MINDY3: variants seen among roughly 807,000 people sequenced by gnomAD.
MINDY3 encodes the protein MINDY lysine 48 deubiquitinase 3, also known as ubiquitin carboxyl-terminal hydrolase MINDY-3.
In MINDY3, 38 loss-of-function variants were observed where a neutral mutation model predicts 69.2. The observed-to-expected ratio is 0.55, with a 90% CI of 0.42 to 0.72. The LOEUF (loss-of-function observed/expected upper bound fraction) is 0.72. Ranked by LOEUF, MINDY3 falls within the 30% of genes least tolerant of loss-of-function variation. MINDY3 has a pLI of 0.00. For synonymous variants in MINDY3, 192 were observed against 180.1 expected, an observed-to-expected ratio of 1.07 and a Z score of -0.53; for missense variants, 522 against 519.0, an observed-to-expected ratio of 1.01 and a Z score of -0.06.
intron 9 of MINDY3, among the ~76,000 whole-genome samples, chr10:15,821,277 A>C (rs1588587531): frequency 6.6e-6 from 1 of 152,248 alleles, no homozygotes. Flanking sequence ...TTTGCCTAAT[A>C]AAGTATTACC....
At chr10:15,779,206 A>G (rs1836326221) in intron 14 of MINDY3, 65 bp from the exon 15 acceptor site, 1 of 1,470,032 alleles carries the variant, frequency 6.8e-7, no homozygotes, top group East Asian at 2.3e-5. Flanking sequence ...TGTGGAATGA[A>G]AACAATTTTT....
At chr10:15,786,440 G>C in intron 13 of MINDY3, 121 bp downstream of exon 13, 1 of 673,104 alleles carries the variant, frequency 1.5e-6, no homozygotes, top group Non-Finnish European at 2.6e-6. Context: ...CCATGTAACG[G>C]TGTTTTCTCA....
chr10:15,832,579 T>G (rs561680947), intron 8 of MINDY3, among the ~76,000 whole-genome samples: 1 of 152,200 alleles, frequency 6.6e-6, no homozygotes, highest in Non-Finnish European at 1.5e-5. Context: ...TTTCACTGTT[T>G]AAACTCTGAC....
intron 6 of MINDY3, among the ~76,000 whole-genome samples, chr10:15,835,499 G>C (rs1449050325): frequency 2.0e-5 from 3 of 151,996 alleles, no homozygotes; most frequent in African/African-American, 4.8e-5. Context: ...ATACAAATCA[G>C]GCTATGATAA....
chr10:15,837,525 TAAGA>T (rs1484321314), intron 5 of MINDY3: 2 of 1,447,710 alleles, frequency 1.4e-6, no homozygotes, highest in Non-Finnish European at 1.9e-6. Flanking sequence ...TATTTATCAT[TAAGA>T]AAGAACACCT....
chr10:15,787,125 TAGC>T (rs1208867463), intron 12 of MINDY3, among the ~76,000 whole-genome samples: 5 of 152,118 alleles, frequency 3.3e-5, no homozygotes, highest in African/African-American at 9.7e-5. Flanking sequence ...CTAAATGAGA[TAGC>T]AGCTTAAAAT....
At chr10:15,858,343 T>C (rs754469748) in intron 1 of MINDY3, among the ~76,000 whole-genome samples, 17 of 152,236 alleles carry the variant, frequency 1.1e-4, no homozygotes, top group Non-Finnish European at 2.2e-4. Context: ...CAGAGCGTTC[T>C]AATAAGTCAT....
At chr10:15,814,439 T>G (rs1485351568) in intron 10 of MINDY3, among the ~76,000 whole-genome samples, 1 of 151,748 alleles carries the variant, frequency 6.6e-6, no homozygotes, top group Non-Finnish European at 1.5e-5. Flanking sequence ...TACAAAAGTT[T>G]TATTCATTCA....
intron 9 of MINDY3, among the ~76,000 whole-genome samples, chr10:15,820,328 G>A (rs1839671329): frequency 6.6e-6 from 1 of 152,090 alleles, no homozygotes; most frequent in African/African-American, 2.4e-5. Context: ...CAGCAGTAGA[G>A]AAAGCAACGC....
chr10:15,820,022 G>A (rs1839647725), intron 9 of MINDY3, among the ~76,000 whole-genome samples: 2 of 152,122 alleles, frequency 1.3e-5, no homozygotes, highest in Admixed American at 1.3e-4. Context: ...ACCTAGCAAT[G>A]TCCCAGTTTC....
chr10:15,806,524 A>G (rs943925937), intron 10 of MINDY3, among the ~76,000 whole-genome samples: 58 of 152,118 alleles, frequency 3.8e-4, no homozygotes, highest in African/African-American at 1.4e-3. Context: ...TTATAATTTA[A>G]AATTTTATCA....
chr10:15,834,336 G>T (rs1177237790), intron 7 of MINDY3, among the ~76,000 whole-genome samples: 1 of 151,888 alleles, frequency 6.6e-6, no homozygotes. Context: ...CAAAATATTT[G>T]CCCCAATAAA....
intron 10 of MINDY3, among the ~76,000 whole-genome samples, chr10:15,814,458 T>C (rs1043150296): frequency 1.3e-5 from 2 of 151,596 alleles, no homozygotes; most frequent in Non-Finnish European, 2.9e-5. Context: ...CAACTAATAA[T>C]TCCCCCCACC....
chr10:15,843,367 C>T (rs879334773), intron 2 of MINDY3, 95 bp from the exon 3 acceptor site: 2 of 986,256 alleles, frequency 2.0e-6, no homozygotes, highest in East Asian at 4.8e-5. Context: ...ATGTGTACTC[C>T]CTTTCTAATC....
intron 13 of MINDY3, among the ~76,000 whole-genome samples, chr10:15,783,234 A>G (rs1037659861): frequency 6.6e-5 from 10 of 152,116 alleles, no homozygotes; most frequent in Non-Finnish European, 1.3e-4. Context: ...TGCTTCTTCA[A>G]TTCACCTGAG....
At chr10:15,832,116 T>C (rs116702608) in intron 8 of MINDY3, among the ~76,000 whole-genome samples, 2,603 of 152,178 alleles carry the variant, frequency 0.017, 54 homozygotes, top group African/African-American at 0.056. Context: ...TAGGGTAAGC[T>C]ATCGAGAATC....
At chr10:15,816,176 G>A (rs561489057) in intron 10 of MINDY3, among the ~76,000 whole-genome samples, 83 of 147,038 alleles carry the variant, frequency 5.6e-4, no homozygotes, top group African/African-American at 1.6e-3. Flanking sequence ...TGGGAGAATC[G>A]CTTGAACCCA....
chr10:15,845,079 C>T (rs1419584022), intron 2 of MINDY3, among the ~76,000 whole-genome samples: 1 of 146,012 alleles, frequency 6.8e-6, no homozygotes, highest in Non-Finnish European at 1.6e-5. Flanking sequence ...TTGGAAGTCT[C>T]TGTTTCTCTT....
intron 9 of MINDY3, among the ~76,000 whole-genome samples, chr10:15,820,738 G>A (rs1236463019): frequency 6.6e-6 from 1 of 152,142 alleles, no homozygotes; most frequent in Non-Finnish European, 1.5e-5. Flanking sequence ...ACGAAAAAGA[G>A]GATCAACCAT....
Sources: gnomAD v4.1 joint callset for allele counts (sites outside exome capture counted in the v4.1 genomes callset) on GRCh38, gnomAD v4.1.1 for gene constraint, MANE v1.5 for transcripts, NCBI Gene and HGNC (gene_info 2026-07-23, HGNC 2026-07-21) for gene names.